Variants in PRDM5 observed in about 807,000 individuals in gnomAD.
PRDM5 encodes the protein PR domain zinc finger protein 5.
PRDM5 carries 56 observed loss-of-function variants against 81.2 expected under a neutral mutation model. The observed-to-expected ratio is 0.69, with a 90% CI of 0.56 to 0.86. The LOEUF is 0.86. Among genes scored for constraint, PRDM5 ranks in the 40% least tolerant of loss-of-function variants. The pLI is 0.00. For missense variants in PRDM5, 697 were observed against 770.1 expected, an observed-to-expected ratio of 0.91 and a Z score of 1.12; for synonymous variants, 267 against 256.4, an observed-to-expected ratio of 1.04 and a Z score of -0.39.
At chr4:120,860,710 C>T (rs940868378) in intron 2 of PRDM5, among the ~76,000 whole-genome samples, 9 of 151,606 alleles carry the variant, frequency 5.9e-5, no homozygotes, top group Admixed American at 1.3e-4. Flanking sequence ...TTTTTATGCA[C>T]GAATGTTACA....
chr4:120,897,629 C>T (rs547315900), intron 2 of PRDM5, among the ~76,000 whole-genome samples: 9 of 152,176 alleles, frequency 5.9e-5, no homozygotes, highest in African/African-American at 2.2e-4. Flanking sequence ...TTCACTGTCT[C>T]ACATATCAGT....
Position 120,694,415 on chromosome 4 carries a change from T to A in PRDM5, c.*696A>T, listed in dbSNP as rs908527783. 1 of 152,194 alleles carries A rather than the reference T, an allele frequency of 6.6e-6. No individual in the cohort carries two copies. Among genetic ancestry groups the A allele is most frequent in the African/African-American group, 2.4e-5 (1 of 41,454 alleles). The allele number at this position is 152,194 out of a possible 1,614,324, so 9.4% of individuals were successfully genotyped here. ...ATAAAAGTATTCCAGACCATGAATG[T>A]CTGCATCTGAATGATGAGAATAAAT... On this transcript the variant is annotated 3_prime_UTR_variant, in exon 16 of 16. Transcript: ENST00000264808.
chr4:120,898,073 A>G (rs901368831), intron 2 of PRDM5, among the ~76,000 whole-genome samples: 4 of 152,184 alleles, frequency 2.6e-5, no homozygotes, highest in Admixed American at 2.6e-4. Flanking sequence ...TCTGGAGTAG[A>G]TTTACCCTGT....
intron 15 of PRDM5, among the ~76,000 whole-genome samples, chr4:120,703,996 G>A (rs1160077629): frequency 6.6e-6 from 1 of 152,088 alleles, no homozygotes; most frequent in East Asian, 1.9e-4. Flanking sequence ...GTGGTGGGAG[G>A]GATACAAAGT....
intron 11 of PRDM5, among the ~76,000 whole-genome samples, chr4:120,781,957 T>C (rs528890175): frequency 1.3e-5 from 2 of 152,282 alleles, no homozygotes; most frequent in African/African-American, 2.4e-5. Context: ...AGCAAGACTA[T>C]TAGCCACCCT....
chr4:120,705,937 G>T (rs1003996124), intron 15 of PRDM5, among the ~76,000 whole-genome samples: 1 of 152,124 alleles, frequency 6.6e-6, no homozygotes, highest in East Asian at 1.9e-4. Flanking sequence ...TGTAGGGTGT[G>T]AGAGAATTAG....
chr4:120,746,814 G>A (rs1482455770), intron 14 of PRDM5, among the ~76,000 whole-genome samples: 4 of 144,048 alleles, frequency 2.8e-5, no homozygotes, highest in Non-Finnish European at 6.1e-5. Context: ...GGAGAAATAG[G>A]AACACTTTTA....
At chr4:120,877,249 T>A (rs1762409843) in intron 2 of PRDM5, among the ~76,000 whole-genome samples, 2 of 152,206 alleles carry the variant, frequency 1.3e-5, no homozygotes. Context: ...GAAACACAAG[T>A]GACCTTTAGA....
At chr4:120,774,986 A>ATG (rs1188811941) in intron 13 of PRDM5, among the ~76,000 whole-genome samples, 2 of 149,474 alleles carry the variant, frequency 1.3e-5, no homozygotes, top group Non-Finnish European at 3.0e-5. Flanking sequence ...GTATATGTAT[A>ATG]TGTGTATATA....
chr4:120,862,323 T>C (rs1242678178), intron 2 of PRDM5, among the ~76,000 whole-genome samples: 2 of 152,164 alleles, frequency 1.3e-5, no homozygotes, highest in Admixed American at 1.3e-4. Flanking sequence ...ATACCTTCAG[T>C]ATGAGGAAGC....
chr4:120,826,548 C>T (rs72680413), intron 3 of PRDM5, among the ~76,000 whole-genome samples: 1,650 of 152,180 alleles, frequency 0.011, 20 homozygotes, highest in Non-Finnish European at 0.019. Flanking sequence ...AAAGAATTAT[C>T]AAGTGCAAGC....
intron 2 of PRDM5, among the ~76,000 whole-genome samples, chr4:120,859,376 TG>T (rs1028093206): frequency 6.7e-6 from 1 of 150,150 alleles, no homozygotes; most frequent in African/African-American, 2.4e-5. Context: ...CATGTCACCT[TG>T]CCCGGCTAAT....
At chr4:120,885,134 C>CAAAAA (rs60623556) in intron 2 of PRDM5, among the ~76,000 whole-genome samples, 5 of 50,670 alleles carry the variant, frequency 9.9e-5, no homozygotes, top group African/African-American at 1.3e-4. Flanking sequence ...GACTCCGTAT[C>CAAAAA]AAAAAAAAAA....
rs912999652 is a variant in PRDM5 at position 120,694,924 on chromosome 4, C to A, written c.*187G>T. Reference sequence around the variant, plus strand: ...AGTTGTATTTTTTTTCCATTTATACCATTTCTTGTTAAAAGTAAGACTTTT... The same window carrying A: ...AGTTGTATTTTTTTTCCATTTATACAATTTCTTGTTAAAAGTAAGACTTTT... On this transcript the variant is annotated 3_prime_UTR_variant, in exon 16 of 16. Transcript: ENST00000264808. 1 of 632,980 alleles carries A rather than the reference C, an allele frequency of 1.6e-6. No homozygotes were observed. 39.2% of individuals were successfully genotyped at this position (632,980 alleles called of 1,614,324 possible).
At chr4:120,866,408 T>C (rs1191354281) in intron 2 of PRDM5, among the ~76,000 whole-genome samples, 1 of 152,244 alleles carries the variant, frequency 6.6e-6, no homozygotes, top group African/African-American at 2.4e-5. Context: ...ATTTATTCTA[T>C]GAAAAGTGAA....
At chr4:120,921,044 A>T (rs879939054) in intron 1 of PRDM5, among the ~76,000 whole-genome samples, 5 of 152,258 alleles carry the variant, frequency 3.3e-5, no homozygotes, top group Non-Finnish European at 5.9e-5. Context: ...CAAGGATTAT[A>T]TAATAATTCT....
intron 10 of PRDM5, 60 bp from the exon 11 acceptor site, chr4:120,785,151 G>A (rs576192368): frequency 1.3e-5 from 17 of 1,288,938 alleles, no homozygotes; most frequent in African/African-American, 8.7e-5. Flanking sequence ...TACAATGAAC[G>A]AGTGGAGCTT....
At chr4:120,855,460 G>T (rs1353061066) in intron 2 of PRDM5, among the ~76,000 whole-genome samples, 4 of 152,112 alleles carry the variant, frequency 2.6e-5, no homozygotes, top group Non-Finnish European at 4.4e-5. Flanking sequence ...CCTGAAAATT[G>T]TTCTGCCTCC....
chr4:120,719,940 C>A (rs1738346502), intron 14 of PRDM5, among the ~76,000 whole-genome samples: 1 of 150,324 alleles, frequency 6.7e-6, no homozygotes, highest in African/African-American at 2.4e-5. Context: ...GAAGATGGAT[C>A]ATGTAAACAT....
Sources: gnomAD v4.1 joint callset for allele counts (sites outside exome capture counted in the v4.1 genomes callset) on GRCh38, gnomAD v4.1.1 for gene constraint, MANE v1.5 for transcripts, NCBI Gene and HGNC (gene_info 2026-07-23, HGNC 2026-07-21) for gene names.